SHISA9: variants seen among roughly 807,000 people sequenced by gnomAD.
SHISA9 encodes shisa family member 9.
A neutral mutation model predicts 38.0 loss-of-function variants in SHISA9; 13 were observed. The observed-to-expected ratio is 0.34, with a 90% CI of 0.22 to 0.54. The LOEUF is 0.54. SHISA9 is among the 20% of genes least tolerant of loss of function. The pLI is 0.91. For synonymous variants in SHISA9, 275 were observed against 242.0 expected (o/e 1.14, Z -1.27); for missense variants, 538 against 575.8 (o/e 0.93, Z 0.67).
intron 2 of SHISA9, among the ~76,000 whole-genome samples, chr16:12,942,998 C>T (rs112059785): frequency 1.3e-5 from 2 of 152,068 alleles, no homozygotes; most frequent in African/African-American, 4.8e-5. Context: ...CCTGTGGTGG[C>T]AGGATGGTCA....
intron 2 of SHISA9, among the ~76,000 whole-genome samples, chr16:12,941,552 T>G (rs2071611900): frequency 6.6e-6 from 1 of 152,232 alleles, no homozygotes; most frequent in Non-Finnish European, 1.5e-5. Context: ...CTTCAGTTAT[T>G]TTAAAATATA....
intron 2 of SHISA9, among the ~76,000 whole-genome samples, chr16:13,026,906 C>T (rs1029938617): frequency 6.6e-6 from 1 of 152,142 alleles, no homozygotes; most frequent in African/African-American, 2.4e-5. Flanking sequence ...GAAGGGAAAA[C>T]CAGTGCCCCT....
At chr16:13,167,885 A>G (rs2050651697) in intron 2 of SHISA9, among the ~76,000 whole-genome samples, 1 of 152,180 alleles carries the variant, frequency 6.6e-6, no homozygotes, top group South Asian at 2.1e-4. Flanking sequence ...AGCCTAATAC[A>G]GTCCTTCTGT....
At chr16:13,392,123 G>A in the SHISA9 span, among the ~76,000 whole-genome samples, 2 of 152,176 alleles carry the variant, frequency 1.3e-5, no homozygotes, top group African/African-American at 4.8e-5. Flanking sequence ...ACCCCTGGGA[G>A]TAAAGGTACC....
chr16:13,292,534 C>A, the SHISA9 span, among the ~76,000 whole-genome samples: 2 of 152,028 alleles, frequency 1.3e-5, no homozygotes, highest in African/African-American at 4.8e-5. Flanking sequence ...TCTTAAATAT[C>A]CAGTGTGTAC....
the SHISA9 span, among the ~76,000 whole-genome samples, chr16:13,490,402 C>T: frequency 6.6e-6 from 1 of 151,980 alleles, no homozygotes; most frequent in East Asian, 1.9e-4. Context: ...AACAAACAAA[C>T]AAAAACAGAA....
intron 2 of SHISA9, among the ~76,000 whole-genome samples, chr16:13,186,676 T>G (rs1159160616): frequency 3.3e-5 from 5 of 152,114 alleles, no homozygotes; most frequent in Non-Finnish European, 7.4e-5. Context: ...TTTCCAGAAC[T>G]TTTTCATCTT....
intron 2 of SHISA9, among the ~76,000 whole-genome samples, chr16:13,112,554 TG>T (rs972468149): frequency 6.6e-6 from 1 of 152,118 alleles, no homozygotes; most frequent in African/African-American, 2.4e-5. Context: ...CTGGAATCCC[TG>T]GGGTCAATTC....
the SHISA9 span, among the ~76,000 whole-genome samples, chr16:13,451,643 G>C: frequency 1.3e-5 from 2 of 152,170 alleles, no homozygotes; most frequent in African/African-American, 2.4e-5. Flanking sequence ...ATTCTAGCAA[G>C]AGGAATCATG....
chr16:13,360,506 C>T, the SHISA9 span, among the ~76,000 whole-genome samples: 1 of 152,176 alleles, frequency 6.6e-6, no homozygotes, highest in Non-Finnish European at 1.5e-5. Context: ...GGGCTTCCCC[C>T]TTCACTTGGC....
intron 2 of SHISA9, among the ~76,000 whole-genome samples, chr16:13,043,617 C>T (rs1336044995): frequency 6.6e-6 from 1 of 152,214 alleles, no homozygotes; most frequent in African/African-American, 2.4e-5. Context: ...GCGGTGGGAA[C>T]TCCTTAACCT....
chr16:13,432,019 C>T, the SHISA9 span, among the ~76,000 whole-genome samples: 2 of 152,200 alleles, frequency 1.3e-5, no homozygotes, highest in African/African-American at 4.8e-5. Context: ...TGAGATCATG[C>T]CGTTGCACTG....
the SHISA9 span, among the ~76,000 whole-genome samples, chr16:13,562,394 C>A: frequency 1.3e-5 from 2 of 152,154 alleles, no homozygotes; most frequent in African/African-American, 4.8e-5. Flanking sequence ...CTTTGGGAGG[C>A]TGAGGCAGGC....
the SHISA9 span, among the ~76,000 whole-genome samples, chr16:13,483,597 C>G: frequency 6.6e-6 from 1 of 151,726 alleles, no homozygotes; most frequent in African/African-American, 2.4e-5. Flanking sequence ...GAAACAGAAG[C>G]TCGCTGACTT....
At chr16:13,332,830 G>C in the SHISA9 span, among the ~76,000 whole-genome samples, 251 of 152,296 alleles carry the variant, frequency 1.6e-3, 3 homozygotes, top group Middle Eastern at 0.014. Flanking sequence ...ACTCTGTCCT[G>C]ATGTTACTCA....
the SHISA9 span, among the ~76,000 whole-genome samples, chr16:13,370,758 G>T: frequency 6.6e-6 from 1 of 152,026 alleles, no homozygotes; most frequent in African/African-American, 2.4e-5. Context: ...CTATTTGAAT[G>T]GGTTTGCATT....
the SHISA9 span, among the ~76,000 whole-genome samples, chr16:13,416,787 G>GC: frequency 1.0e-5 from 1 of 96,996 alleles, no homozygotes; most frequent in African/African-American, 4.2e-5. Flanking sequence ...AAGGAAGGAA[G>GC]GAAGGGAAGG....
the SHISA9 span, among the ~76,000 whole-genome samples, chr16:13,337,744 G>T: frequency 6.6e-6 from 1 of 152,130 alleles, no homozygotes; most frequent in African/African-American, 2.4e-5. Context: ...GGAGGTGATT[G>T]GATCATGGGG....
the SHISA9 span, among the ~76,000 whole-genome samples, chr16:13,371,317 C>T: frequency 3.3e-5 from 5 of 152,168 alleles, no homozygotes; most frequent in African/African-American, 4.8e-5. Flanking sequence ...CTGCTCACCC[C>T]CATAGATTCT....
Sources: allele counts gnomAD v4.1 joint callset (sites outside exome capture counted in the v4.1 genomes callset), GRCh38; gene constraint gnomAD v4.1.1; transcripts MANE v1.5; gene names NCBI Gene and HGNC (gene_info 2026-07-23, HGNC 2026-07-21).